LEMD1: variants seen among roughly 807,000 people sequenced by gnomAD.
LEMD1 encodes LEM domain-containing protein 1.
A neutral mutation model predicts 17.4 loss-of-function variants in LEMD1; 18 were observed. The ratio of observed to expected loss-of-function variants is 1.04; its 90% CI spans 0.72 to 1.54. The LOEUF is 1.54. Among genes scored for constraint, LEMD1 ranks in the 40% most tolerant of loss-of-function variants. The probability of loss-of-function intolerance (pLI) is 0.00; values close to 1 mark genes in which losing one functional copy is unlikely to be tolerated. For synonymous variants in LEMD1, 88 were observed against 77.8 expected (o/e 1.13, Z -0.69); for missense variants, 195 against 210.4 (o/e 0.93, Z 0.45).
chr1:205,413,801 T>C (rs2102420877), intron 4 of LEMD1, among the ~76,000 whole-genome samples: 1 of 151,932 alleles, frequency 6.6e-6, no homozygotes, highest in East Asian at 1.9e-4. Context: ...AACAGACACA[T>C]GCCACCATGC....
intron 4 of LEMD1, among the ~76,000 whole-genome samples, chr1:205,404,457 T>C (rs1664996552): frequency 2.0e-5 from 3 of 152,212 alleles, no homozygotes; most frequent in Non-Finnish European, 4.4e-5. Context: ...CATTATGTAA[T>C]GGCCTTCTTT....
chr1:205,410,540 T>C (rs143122923), intron 4 of LEMD1, among the ~76,000 whole-genome samples: 18 of 152,234 alleles, frequency 1.2e-4, no homozygotes, highest in African/African-American at 4.3e-4. Flanking sequence ...TCAACATCAG[T>C]AGAGGAAAGC....
At chr1:205,384,802 A>G (rs1430470678) in intron 4 of LEMD1, among the ~76,000 whole-genome samples, 1 of 152,144 alleles carries the variant, frequency 6.6e-6, no homozygotes, top group Non-Finnish European at 1.5e-5. Context: ...GTTGCTTTGT[A>G]AGAGAAGTAG....
upstream of LEMD1, among the ~76,000 whole-genome samples, chr1:205,423,637 T>A (rs1301476847): frequency 6.6e-6 from 1 of 152,190 alleles, no homozygotes; most frequent in Admixed American, 6.5e-5. Context: ...CTCTTGAAAA[T>A]CCACCAGCAT....
chr1:205,381,671 G>A lies in LEMD1; in HGVS notation c.533C>T (p.Ser178Leu), dbSNP rs758410613. The change falls in exon 6 of 6, where the codon TCG becomes TTG. Residue 178 changes from serine (S) to leucine (L), a missense_variant. Transcript: ENST00000367153. ...CTCCTAAATTACTTAACCAAACAGC[G>A]ACTTATTTTCCACAGTCAGGTAGAC... is the stretch of plus-strand genomic sequence containing the variant. ...VFVYLTVENK[S>L]LFG 1.1e-5 allele frequency: 18 copies of A among 1,614,014 alleles called. No individual in the cohort carries two copies. Among genetic ancestry groups the A allele is most frequent in the Admixed American group, 1.7e-5 (1 of 60,002 alleles).
At chr1:205,413,537 C>T (rs1394378227) in intron 4 of LEMD1, among the ~76,000 whole-genome samples, 1 of 150,858 alleles carries the variant, frequency 6.6e-6, no homozygotes, top group East Asian at 1.9e-4. Flanking sequence ...CAGCCTCCTA[C>T]CTCAGCCTCC....
intron 4 of LEMD1, among the ~76,000 whole-genome samples, chr1:205,394,367 TTTAATTAA>T (rs139263580): frequency 1.3e-4 from 20 of 149,630 alleles, no homozygotes; most frequent in African/African-American, 4.0e-4. Flanking sequence ...TATTTGTTTA[TTTAATTAA>T]TTAATTAATT....
chr1:205,413,713 C>T lies in LEMD1; in HGVS notation c.270+2519G>A, dbSNP rs570401216. On this transcript the variant is annotated intron_variant, in intron 4 of 5. Transcript: ENST00000367153. ...TGTCACCCAAGCTGGAGTGTAGCTG[C>T]ACAATCTCGGCTCATTGCAACCTCT... Among the ~76,000 whole-genome samples the T allele has an allele frequency of 1.4e-3, 201 of 146,310 alleles. 8 individuals are homozygous for T. The South Asian group carries it at 0.041, about 30-fold the overall frequency.
intron 4 of LEMD1, among the ~76,000 whole-genome samples, chr1:205,415,437 A>G (rs1665653863): frequency 6.9e-6 from 1 of 145,272 alleles, no homozygotes; most frequent in Non-Finnish European, 1.5e-5. Context: ...ATCAGGGGCC[A>G]AGAGGAAGAC....
intron 1 of LEMD1, among the ~76,000 whole-genome samples, chr1:205,429,754 G>C (rs1359990462): frequency 1.3e-5 from 2 of 152,038 alleles, no homozygotes; most frequent in Admixed American, 1.3e-4. Flanking sequence ...ACCCGAGAAG[G>C]GCATTTTTCT....
chr1:205,388,407 C>T (rs368372285), intron 4 of LEMD1, among the ~76,000 whole-genome samples: 4 of 152,126 alleles, frequency 2.6e-5, no homozygotes, highest in African/African-American at 9.7e-5. Flanking sequence ...ACCAGGATGG[C>T]CTTGATCTCC....
chr1:205,420,607 C>T, intron 1 of LEMD1, 33 bp from the exon 2 acceptor site: 1 of 1,153,818 alleles, frequency 8.7e-7, no homozygotes, highest in Non-Finnish European at 1.3e-6. Flanking sequence ...TTCATTAAGA[C>T]AGCCTTACCA....
chr1:205,427,182 T>A (rs1413916129), intron 1 of LEMD1, among the ~76,000 whole-genome samples: 1 of 152,058 alleles, frequency 6.6e-6, no homozygotes, highest in East Asian at 1.9e-4. Context: ...TAACAGTACA[T>A]TCCTTCCAGA....
intron 4 of LEMD1, among the ~76,000 whole-genome samples, chr1:205,399,122 G>A (rs988537848): frequency 2.0e-5 from 3 of 151,986 alleles, no homozygotes; most frequent in African/African-American, 7.3e-5. Flanking sequence ...GGTTGAGGCA[G>A]GAGAATTACT....
At chr1:205,388,291 A>G (rs1195650618) in intron 4 of LEMD1, among the ~76,000 whole-genome samples, 1 of 150,986 alleles carries the variant, frequency 6.6e-6, no homozygotes, top group African/African-American at 2.4e-5. Context: ...GCCGCCTCCC[A>G]GGTTCAAGTG....
At chr1:205,388,305 C>A (rs1664142746) in intron 4 of LEMD1, among the ~76,000 whole-genome samples, 1 of 151,764 alleles carries the variant, frequency 6.6e-6, no homozygotes, top group Non-Finnish European at 1.5e-5. Context: ...TCAAGTGATT[C>A]TCCTGCCTCA....
At chr1:205,425,114 G>A (rs1319808467), upstream of LEMD1, among the ~76,000 whole-genome samples, 1 of 152,174 alleles carries the variant, frequency 6.6e-6, no homozygotes, top group African/African-American at 2.4e-5. Context: ...CCATGAGCCT[G>A]CTTACATAAG....
At chr1:205,405,876 T>A (rs1238155003) in intron 4 of LEMD1, among the ~76,000 whole-genome samples, 1 of 151,744 alleles carries the variant, frequency 6.6e-6, no homozygotes, top group Non-Finnish European at 1.5e-5. Flanking sequence ...TACAGATGGG[T>A]TTTTGGTGTG....
intron 1 of LEMD1, among the ~76,000 whole-genome samples, chr1:205,442,305 C>T (rs1666308743): frequency 6.6e-6 from 1 of 152,188 alleles, no homozygotes; most frequent in African/African-American, 2.4e-5. Context: ...CGCCTCCCTT[C>T]TCCAGCCCCT....
Sources: gnomAD v4.1 joint callset for allele counts (sites outside exome capture counted in the v4.1 genomes callset) on GRCh38, gnomAD v4.1.1 for gene constraint, MANE v1.5 for transcripts, NCBI Gene and HGNC (gene_info 2026-07-23, HGNC 2026-07-21) for gene names.